The following XKR6 variants were observed in gnomAD, a reference collection of about 807,000 sequenced individuals.
XKR6 encodes XK-related protein 6.
A neutral mutation model predicts 56.7 loss-of-function variants in XKR6; 22 were observed. That is an observed-to-expected ratio of 0.39 (90% CI 0.28 to 0.55). The LOEUF is 0.55. XKR6 is among the 20% of genes least tolerant of loss of function. The pLI is 0.66. For missense variants in XKR6, 852 were observed against 889.0 expected (o/e 0.96, Z 0.53); for synonymous variants, 524 against 387.8 (o/e 1.35, Z -4.13).
intron 1 of XKR6, among the ~76,000 whole-genome samples, chr8:11,158,090 C>G (rs540059587): frequency 1.3e-5 from 2 of 152,268 alleles, no homozygotes; most frequent in African/African-American, 2.4e-5. Flanking sequence ...CTTTTCAATT[C>G]TGAACCACCC....
At position 11,200,448 on chromosome 8, in the gene XKR6, G is replaced by T. The variant is rs991857632; in HGVS notation, c.764+128C>A. 1.1e-5 allele frequency: 13 copies of T among 1,213,700 alleles called. No homozygotes were observed. The highest frequency in any genetic ancestry group is 4.2e-5 in the Admixed American group (1 of 23,926). 75.2% of individuals were successfully genotyped at this position (1,213,700 alleles called of 1,614,324 possible). A position where few individuals can be genotyped will look rare whatever the true frequency, so the allele number is the denominator to read the frequency against. On this transcript the variant is annotated intron_variant, in intron 1 of 2. Coordinates refer to ENST00000416569, the MANE Select transcript of XKR6 (RefSeq NM_173683.4). The surrounding 1 kb of genome is among the most constrained non-coding windows in gnomAD (Gnocchi z 6.4). ...CCGGTCTTTTGGAGACGCCAGGGGCGGCGCGCGGCCGGTCCCTCCTTCGAG... is the reference window on the plus strand; with the variant it reads ...CCGGTCTTTTGGAGACGCCAGGGGCTGCGCGCGGCCGGTCCCTCCTTCGAG...
intron 2 of XKR6, among the ~76,000 whole-genome samples, chr8:10,915,968 C>T (rs11250090): frequency 8.5e-5 from 13 of 152,336 alleles, no homozygotes; most frequent in Admixed American, 8.5e-4. Context: ...GGCCAAGGCA[C>T]TGCAATGCCA....
chr8:11,137,721 AAAG>A, intron 1 of XKR6: 1 of 456,268 alleles, frequency 2.2e-6, no homozygotes. Flanking sequence ...CTGAAATAGG[AAAG>A]AAGAAAACCA....
chr8:11,004,689 G>A (rs921869718), intron 1 of XKR6, among the ~76,000 whole-genome samples: 2 of 152,140 alleles, frequency 1.3e-5, no homozygotes, highest in Non-Finnish European at 2.9e-5. Context: ...CTCTTCTGAA[G>A]CTATATCCCA....
At chr8:11,143,946 C>A (rs1184262508) in intron 1 of XKR6, among the ~76,000 whole-genome samples, 3 of 152,162 alleles carry the variant, frequency 2.0e-5, no homozygotes, top group Non-Finnish European at 2.9e-5. Context: ...GGCTCACAAA[C>A]AGCCACCTTC....
intron 1 of XKR6, among the ~76,000 whole-genome samples, chr8:11,144,163 C>A (rs1800856537): frequency 6.6e-6 from 1 of 151,528 alleles, no homozygotes; most frequent in Admixed American, 6.6e-5. Flanking sequence ...TTGAGGGATG[C>A]ACAATTCAGT....
At chr8:10,911,239 TAG>T (rs5889347) in intron 2 of XKR6, among the ~76,000 whole-genome samples, 19,529 of 137,014 alleles carry the variant, frequency 0.14, 2,150 homozygotes, top group African/African-American at 0.32. Context: ...TGTGTGTGTA[TAG>T]AGAGAGAGAG....
At chr8:10,946,003 G>A (rs564779387) in intron 1 of XKR6, among the ~76,000 whole-genome samples, 1 of 152,174 alleles carries the variant, frequency 6.6e-6, no homozygotes, top group Admixed American at 6.5e-5. Flanking sequence ...AACCAAGCAA[G>A]ACAAGCCCCT....
chr8:11,193,446 T>A (rs1406248926), intron 1 of XKR6, among the ~76,000 whole-genome samples: 1 of 152,148 alleles, frequency 6.6e-6, no homozygotes, highest in African/African-American at 2.4e-5. Flanking sequence ...AATACAGAAA[T>A]GAAAAATCTC....
intron 1 of XKR6, chr8:11,107,789 T>C (rs913634638): frequency 6.4e-6 from 1 of 155,678 alleles, no homozygotes; most frequent in East Asian, 1.9e-4. Flanking sequence ...ACAGGAATGT[T>C]TGCGAGGTGA....
intron 1 of XKR6, among the ~76,000 whole-genome samples, chr8:11,168,409 C>A (rs1021669382): frequency 2.7e-4 from 41 of 152,140 alleles, no homozygotes; most frequent in African/African-American, 8.9e-4. Flanking sequence ...GAAGCAAGCA[C>A]TGACACAACT....
intron 2 of XKR6, among the ~76,000 whole-genome samples, chr8:10,917,535 G>A (rs991634701): frequency 7.9e-5 from 12 of 152,244 alleles, no homozygotes; most frequent in Non-Finnish European, 1.6e-4. Context: ...AGCTGGCCAT[G>A]TTCTGGGGTC....
At chr8:10,978,073 G>T (rs564298738) in intron 1 of XKR6, among the ~76,000 whole-genome samples, 1 of 152,178 alleles carries the variant, frequency 6.6e-6, no homozygotes, top group East Asian at 1.9e-4. Flanking sequence ...AGGAATGATG[G>T]AAATGGAAAG....
chr8:11,080,862 T>A (rs1797695119), intron 1 of XKR6, among the ~76,000 whole-genome samples: 2 of 152,158 alleles, frequency 1.3e-5, no homozygotes, highest in Admixed American at 1.3e-4. Flanking sequence ...GCTGCCAACC[T>A]CTTTGGAGAG....
intron 1 of XKR6, among the ~76,000 whole-genome samples, chr8:11,186,887 T>C (rs944889082): frequency 1.3e-5 from 2 of 152,222 alleles, no homozygotes; most frequent in Non-Finnish European, 2.9e-5. Context: ...ATCACTAACA[T>C]ACGCATTGTG....
chr8:11,191,800 C>T (rs868386052), intron 1 of XKR6, among the ~76,000 whole-genome samples: 9 of 151,626 alleles, frequency 5.9e-5, no homozygotes, highest in Admixed American at 1.3e-4. Flanking sequence ...AAAAAACCCA[C>T]AAGCAAATTT....
chr8:11,150,852 C>CAAA lies in XKR6; in HGVS notation c.764+49721_764+49723dup, dbSNP rs546547767. On this transcript the variant is annotated intron_variant, in intron 1 of 2. Transcript: ENST00000416569. The stretch of plus-strand genomic sequence containing the variant: ...TGGGTGACAGAGCAAGACTCCATCT[C>CAAA]AAAAAAAAAAAAAAAAAAAAAAAAT... 2.5e-3 allele frequency among the ~76,000 whole-genome samples: 221 copies of CAAA among 90,162 alleles called. 2 individuals are homozygous for CAAA. The highest frequency in any genetic ancestry group is 7.4e-3 in the African/African-American group (140 of 18,886). 59.1% of individuals were successfully genotyped at this position (90,162 alleles called of 152,430 possible).
chr8:11,098,590 T>A (rs1317142906), intron 1 of XKR6, among the ~76,000 whole-genome samples: 2 of 152,190 alleles, frequency 1.3e-5, no homozygotes, highest in Non-Finnish European at 2.9e-5. Flanking sequence ...AGGATGACTA[T>A]GTGGTCATGC....
At chr8:11,031,427 G>A (rs1183791791) in intron 1 of XKR6, among the ~76,000 whole-genome samples, 1 of 152,186 alleles carries the variant, frequency 6.6e-6, no homozygotes, top group African/African-American at 2.4e-5. Context: ...TCCGAGTAAG[G>A]CACTGGAGGT....
Sources: allele counts gnomAD v4.1 joint callset (sites outside exome capture counted in the v4.1 genomes callset), GRCh38; gene constraint gnomAD v4.1.1; non-coding constraint Gnocchi (gnomAD v3.1); transcripts MANE v1.5; gene names NCBI Gene and HGNC (gene_info 2026-07-23, HGNC 2026-07-21).